MUC17: variants seen among roughly 807,000 people sequenced by gnomAD.
The protein encoded by MUC17 is mucin 17, cell surface associated.
A neutral mutation model predicts 170.3 loss-of-function variants in MUC17; 190 were observed. The ratio of observed to expected loss-of-function variants is 1.12; its 90% CI spans 0.99 to 1.26. MUC17 has a LOEUF of 1.26. MUC17 is among the 50% of genes most tolerant of loss of function. The pLI is 0.00. For synonymous variants in MUC17, 2,325 were observed against 2,002.5 expected (o/e 1.16, Z -4.30); for missense variants, 6,415 against 5,530.0 (o/e 1.16, Z -5.08).
At position 101,038,528 on chromosome 7, in the gene MUC17, C is replaced by T; in HGVS notation, c.7112C>T (p.Thr2371Ile). The change falls in exon 3 of 13, where the codon ACT (threonine) becomes ATT (isoleucine). Residue 2371 changes from threonine to isoleucine, a missense_variant. Physicochemically the swap from Thr to Ile is moderately conservative, Grantham distance 89. Coordinates refer to ENST00000306151, the MANE Select transcript of MUC17 (RefSeq NM_001040105.2). ...TPADTSTPVT[T>I]YSQAGSSPTT... The stretch of plus-strand genomic sequence containing the variant: ...GCTGACACCAGCACACCTGTGACTA[C>T]TTATTCTCAAGCCGGTTCATCTCCT... 3.7e-6 allele frequency: 6 copies of T among 1,613,960 alleles called. No homozygotes were observed. Among genetic ancestry groups the T allele is most frequent in the Non-Finnish European group, 5.1e-6 (6 of 1,179,870 alleles).
rs1379033233 is a variant in MUC17, at chr7:101,032,953, T to C, written c.1537T>C (p.Leu513=). 1 of 1,613,460 alleles carries C rather than the reference T, an allele frequency of 6.2e-7. No homozygotes were observed. Among genetic ancestry groups the C allele is most frequent in the African/African-American group, 1.3e-5 (1 of 74,684 alleles). Residue 513 remains leucine (L), a synonymous_variant, in exon 3 of 13, where the codon TTA becomes CTA. Coordinates refer to ENST00000306151, the MANE Select transcript of MUC17 (RefSeq NM_001040105.2). ...TSTPSEGSTP[L]TSMSVSTMPV... is the part of the protein sequence containing the mutation. ...AACTCCTAGTGAAGGAAGCACTCCA[T>C]TAACAAGTATGTCTGTCAGCACCAT... is the stretch of plus-strand genomic sequence containing the variant.
At position 101,038,658 on chromosome 7, in the gene MUC17, T is replaced by C. The variant is rs772335934; in HGVS notation, c.7242T>C (p.Ala2414=). ...CCATGCCGGTGGTCAGTTCTGAGGC[T>C]AGCACCCATTCCACAACTCCTGTTG... ...VSTMPVVSSE[A]STHSTTPVDT... Residue 2414 remains alanine (A), a synonymous_variant, in exon 3 of 13, where the codon GCT becomes GCC. Coordinates refer to ENST00000306151, the MANE Select transcript of MUC17 (RefSeq NM_001040105.2). 4 of 1,613,594 alleles carry C rather than the reference T, an allele frequency of 2.5e-6. No individual in the cohort carries two copies. Among genetic ancestry groups the C allele is most frequent in the South Asian group, 1.1e-5 (1 of 91,058 alleles).
Position 101,036,607 on chromosome 7 carries a change from C to T in MUC17, c.5191C>T (p.Pro1731Ser). 2 of 1,612,936 alleles carry T rather than the reference C, an allele frequency of 1.2e-6. No homozygotes were observed. Among genetic ancestry groups the T allele is most frequent in the Non-Finnish European group, 1.7e-6 (2 of 1,179,518 alleles). Residue 1731 changes from proline to serine, a missense_variant, in exon 3 of 13, where the codon CCT becomes TCT. By Grantham distance (74) the Pro-to-Ser change is moderately conservative. Transcript: ENST00000306151. ...CACTTCTACTGAAGCCCGTTCATCT[C>T]CTACAACTTCTGAAGGTACCAGCAT... Reference protein sequence around the residue: ...VTTSTEARSSPTTSEGTSMPN... With the variant: ...VTTSTEARSSSTTSEGTSMPN...
intron 2 of MUC17, 29 bp from the exon 3 acceptor site, chr7:101,031,572 T>C (rs1357279454): frequency 6.6e-7 from 1 of 1,512,232 alleles, no homozygotes; most frequent in East Asian, 2.3e-5. Flanking sequence ...AAGAAACTTC[T>C]AAACAAAATA....
In MUC17 at chr7:101,056,238, C is replaced by T; in HGVS notation, c.13408C>T (p.Pro4470Ser). The change falls in exon 12 of 13, where the codon CCC becomes TCC. Residue 4470 changes from proline to serine, a missense_variant. Physicochemically the swap from Pro to Ser is moderately conservative, Grantham distance 74. Coordinates refer to ENST00000306151, the MANE Select transcript of MUC17 (RefSeq NM_001040105.2). ...HLESIYSNFQ[P>S]SLRHIDPETK... ...GGAGTCCATCTATAGTAATTTCCAG[C>T]CCTCCTTGAGACACATAGACCCTGA... is the stretch of plus-strand genomic sequence containing the variant. The T allele has an allele frequency of 1.2e-6, 2 of 1,613,940 alleles. No individual in the cohort carries two copies. The highest frequency in any genetic ancestry group is 1.7e-6 in the Non-Finnish European group (2 of 1,179,910).
At position 101,038,153 on chromosome 7, in the gene MUC17, A is replaced by G. The variant is rs1794551613; in HGVS notation, c.6737A>G (p.Asp2246Gly). 6.2e-7 allele frequency: 1 copy of G among 1,613,756 alleles called. No individual in the cohort carries two copies. Among genetic ancestry groups the G allele is most frequent in the Non-Finnish European group, 8.5e-7 (1 of 1,179,916 alleles). The change falls in exon 3 of 13, where the codon GAC becomes GGC. Residue 2246 changes from aspartate (D) to glycine (G), a missense_variant. Asp to Gly is a moderately conservative substitution (Grantham distance 94, BLOSUM62 -1). Coordinates refer to ENST00000306151, the MANE Select transcript of MUC17 (RefSeq NM_001040105.2). The part of the protein sequence containing the change: ...EASTLSATPV[D>G]TSTPVTTSTE... ...AGCACCCTTTCAGCAACTCCTGTTGACACCAGCACACCTGTGACCACTTCT... is the reference window on the plus strand; with the variant it reads ...AGCACCCTTTCAGCAACTCCTGTTGGCACCAGCACACCTGTGACCACTTCT...
In MUC17 at chr7:101,036,666, A is replaced by G. The variant is rs4992075; in HGVS notation, c.5250A>G (p.Pro1750=). 1.8e-3 allele frequency: 2,892 copies of G among 1,612,976 alleles called. 38 individuals are homozygous for G. The African/African-American group carries it at 0.03, about 17-fold the overall frequency. ...PNSTPSEGTT[P]LTSIPVSTTP... is the part of the protein sequence containing the mutation. ...CAACTCCTAGTGAAGGAACCACTCC[A>G]TTAACAAGTATACCTGTCAGCACCA... Residue 1750 remains proline, a synonymous_variant, in exon 3 of 13, where the codon CCA becomes CCG. Transcript: ENST00000306151.
At chr7:101,052,944 T>C (rs2116479869) in intron 9 of MUC17, 42 bp from the exon 10 acceptor site, 13 of 1,589,942 alleles carry the variant, frequency 8.2e-6, no homozygotes, top group Non-Finnish European at 1.1e-5. Context: ...TGGTGCTGAC[T>C]CCGTTCTCTC....
In MUC17 at chr7:101,035,776, A is replaced by G. The variant is rs199998261; in HGVS notation, c.4360A>G (p.Lys1454Glu). 50 of 1,608,406 alleles carry G rather than the reference A, an allele frequency of 3.1e-5. No homozygotes were observed. The highest frequency in any genetic ancestry group is 3.7e-5 in the Non-Finnish European group (44 of 1,177,456). ...ACCAACCTCAACTCCTAGTGAAGGA[A>G]AGACTCCATTAAAAAGTATACCTGT... ...SIPTSTPSEGKTPLKSIPVSN... is the reference protein window; with the variant it reads ...SIPTSTPSEGETPLKSIPVSN... Residue 1454 changes from lysine (K) to glutamate (E), a missense_variant, in exon 3 of 13, where the codon AAG (lysine) becomes GAG (glutamate). Transcript: ENST00000306151.
chr7:101,053,147 G>A lies in MUC17; in HGVS notation c.13265G>A (p.Arg4422Gln), dbSNP rs369165155. The change falls in exon 10 of 13, where the codon CGG (arginine) becomes CAG (glutamine). Residue 4422 changes from arginine to glutamine, a missense_variant and splice_region_variant. Arg to Gln is a conservative substitution (Grantham distance 43, BLOSUM62 1). Transcript: ENST00000306151. ...LVFRSKREVK[R>Q]QKYRLSQLYK... Reference sequence around the variant, plus strand: ...TTCCGCTCCAAGAGAGAGGTGAAACGGTGAGCGAGCCCCTACCACCTCCTC... The same window carrying A: ...TTCCGCTCCAAGAGAGAGGTGAAACAGTGAGCGAGCCCCTACCACCTCCTC... 13 of 1,612,746 alleles carry A rather than the reference G, an allele frequency of 8.1e-6. No individual in the cohort carries two copies. Among genetic ancestry groups the A allele is most frequent in the East Asian group, 4.5e-5 (2 of 44,878 alleles).
At chr7:101,028,194 G>C (rs1794215284) in intron 1 of MUC17, among the ~76,000 whole-genome samples, 2 of 150,216 alleles carry the variant, frequency 1.3e-5, no homozygotes, top group Non-Finnish European at 3.0e-5. Flanking sequence ...CAGTTCAAGT[G>C]ATTCTTCTGC....
chr7:101,045,317 A>G (rs960859569), intron 3 of MUC17, among the ~76,000 whole-genome samples: 1 of 152,072 alleles, frequency 6.6e-6, no homozygotes, highest in African/African-American at 2.4e-5. Context: ...TTTGACTACT[A>G]CATTTTCTCT....
chr7:101,024,725 G>A (rs1328921709), intron 1 of MUC17, among the ~76,000 whole-genome samples: 1 of 146,296 alleles, frequency 6.8e-6, no homozygotes, highest in Non-Finnish European at 1.5e-5. Context: ...CCTCCTCCCT[G>A]CTCTGTCTCC....
At chr7:101,044,254 T>C (rs1297155429) in intron 3 of MUC17, among the ~76,000 whole-genome samples, 1 of 152,130 alleles carries the variant, frequency 6.6e-6, no homozygotes, top group East Asian at 1.9e-4. Flanking sequence ...AATCTACCCA[T>C]CTGACAAAGA....
chr7:101,035,921 C>A lies in MUC17; in HGVS notation c.4505C>A (p.Thr1502Asn), dbSNP rs745335711. Residue 1502 changes from threonine (T) to asparagine (N), a missense_variant, in exon 3 of 13, where the codon ACC becomes AAC. Thr to Asn is a moderately conservative substitution (Grantham distance 65). Coordinates refer to ENST00000306151, the MANE Select transcript of MUC17 (RefSeq NM_001040105.2). The stretch of plus-strand genomic sequence containing the variant: ...TCATCTCCTACACCTGCTGAAGGTA[C>A]CAGCATAGCAATCTCAACGCCTAGT... The part of the protein sequence containing the change: ...VSSSPTPAEG[T>N]SIAISTPSEG... The A allele has an allele frequency of 6.2e-7, 1 of 1,612,882 alleles. No individual in the cohort carries two copies. Among genetic ancestry groups the A allele is most frequent in the Middle Eastern group, 1.7e-4 (1 of 6,058 alleles).
chr7:101,048,888 A>G lies in MUC17; in HGVS notation c.12579A>G (p.Thr4193=). The change falls in exon 5 of 13, where the codon ACA becomes ACG. Residue 4193 remains threonine, a synonymous_variant. Coordinates refer to ENST00000306151, the MANE Select transcript of MUC17 (RefSeq NM_001040105.2). ...CTGCCCAAATGGAACTGACTGTGACAGTGACCAGTGTGAAGTTCACCGAAG... is the reference window on the plus strand; with the variant it reads ...CTGCCCAAATGGAACTGACTGTGACGGTGACCAGTGTGAAGTTCACCGAAG... ...TISAQMELTV[T]VTSVKFTEEL... is the part of the protein sequence containing the mutation. The G allele has an allele frequency of 6.2e-7, 1 of 1,614,148 alleles. No homozygotes were observed. Among genetic ancestry groups the G allele is most frequent in the Non-Finnish European group, 8.5e-7 (1 of 1,180,010 alleles).
At chr7:101,023,259 C>T (rs544153922) in intron 1 of MUC17, among the ~76,000 whole-genome samples, 2 of 152,256 alleles carry the variant, frequency 1.3e-5, no homozygotes, top group African/African-American at 4.8e-5. Flanking sequence ...ACCCTATCTC[C>T]AAATAAGGCC....
intron 1 of MUC17, among the ~76,000 whole-genome samples, chr7:101,022,944 G>A (rs1008895144): frequency 2.0e-5 from 3 of 152,120 alleles, no homozygotes; most frequent in Non-Finnish European, 4.4e-5. Flanking sequence ...TGCTCCCTGG[G>A]GCTGTCATTA....
rs572379601 is a variant in MUC17, at chr7:101,020,232, C to A, written c.82+15C>A. 4.4e-6 allele frequency: 7 copies of A among 1,598,500 alleles called. No individual in the cohort carries two copies. The highest frequency in any genetic ancestry group is 3.5e-5 in the Admixed American group (2 of 57,964). On this transcript the variant is annotated intron_variant, in intron 1 of 12. Coordinates refer to ENST00000306151, the MANE Select transcript of MUC17 (RefSeq NM_001040105.2). ...TGCAGAACAGGGTGAGTGACCCCCA[C>A]GCCCCGCTGCCCAAGAGGCCCCCAT...
Sources: allele counts gnomAD v4.1 joint callset (sites outside exome capture counted in the v4.1 genomes callset), GRCh38; gene constraint gnomAD v4.1.1; transcripts MANE v1.5; gene names NCBI Gene and HGNC (gene_info 2026-07-23, HGNC 2026-07-21).